Variants in EIF3J observed in about 807,000 individuals in gnomAD.
EIF3J encodes the protein eukaryotic translation initiation factor 3 subunit J, also known as eukaryotic translation initiation factor 3, subunit 1 (alpha, 35kD).
Under a neutral mutation model 39.0 loss-of-function variants are expected in EIF3J, and 15 were observed. The ratio of observed to expected loss-of-function variants is 0.38; its 90% CI spans 0.26 to 0.59. The LOEUF (loss-of-function observed/expected upper bound fraction) is 0.59. EIF3J is among the 20% of genes least tolerant of loss of function. The pLI, the probability that EIF3J is intolerant of heterozygous loss-of-function variation, is 0.60. For missense variants in EIF3J, 226 were observed against 308.6 expected (o/e 0.73, Z 2.00); for synonymous variants, 98 against 112.9 (o/e 0.87, Z 0.84).
intron 2 of EIF3J, among the ~76,000 whole-genome samples, chr15:44,544,087 T>TC: frequency 3.1e-5 from 1 of 32,248 alleles, no homozygotes; most frequent in Non-Finnish European, 5.5e-5. Flanking sequence ...TTTTTTCTTT[T>TC]CTTTTCTTTT....
intron 2 of EIF3J, among the ~76,000 whole-genome samples, chr15:44,541,460 G>GT (rs2082013854): frequency 7.2e-5 from 11 of 152,180 alleles, no homozygotes; most frequent in Admixed American, 7.2e-4. Context: ...AGAGGATTGC[G>GT]TGAGCCTAGG....
At chr15:44,544,603 C>G (rs761838752) in intron 2 of EIF3J, among the ~76,000 whole-genome samples, 24 of 150,272 alleles carry the variant, frequency 1.6e-4, no homozygotes, top group Non-Finnish European at 3.2e-4. Flanking sequence ...ACTTGGGAGG[C>G]TGAGGCAGGA....
intron 5 of EIF3J, among the ~76,000 whole-genome samples, chr15:44,555,940 C>A (rs1446887867): frequency 2.0e-5 from 3 of 152,068 alleles, no homozygotes; most frequent in Non-Finnish European, 4.4e-5. Context: ...TCACTGCAAC[C>A]TCTGCCTCTG....
intron 6 of EIF3J, among the ~76,000 whole-genome samples, chr15:44,559,702 A>C (rs1044701126): frequency 6.9e-6 from 1 of 145,504 alleles, no homozygotes; most frequent in African/African-American, 2.7e-5. Context: ...GTGAGACTCC[A>C]TCTCAAAAAA....
At chr15:44,539,792 A>C (rs1216159766) in intron 2 of EIF3J, among the ~76,000 whole-genome samples, 1 of 142,196 alleles carries the variant, frequency 7.0e-6, no homozygotes, top group East Asian at 2.2e-4. Flanking sequence ...TTTTGAGAGA[A>C]GGTCTCACCC....
Position 44,551,457 on chromosome 15 carries a change from A to T in EIF3J, c.229A>T (p.Ile77Leu). The T allele has an allele frequency of 6.3e-7, 1 of 1,586,964 alleles. No homozygotes were observed. The change falls in exon 4 of 8, where the codon ATA becomes TTA. Residue 77 changes from isoleucine (I) to leucine (L), a missense_variant. Coordinates refer to ENST00000261868, the MANE Select transcript of EIF3J (RefSeq NM_003758.4). ...PEVKISEKKK[I>L]AEKIKEKERQ... ...GGTAAAAATTTCAGAAAAGAAAAAA[A>T]TAGCAGAGAAGATAAAAGAGAAAGA...
intron 2 of EIF3J, among the ~76,000 whole-genome samples, chr15:44,539,646 C>T (rs187843024): frequency 2.8e-3 from 421 of 151,212 alleles, no homozygotes; most frequent in African/African-American, 9.8e-3. Context: ...GTGATCTGCC[C>T]GCCTTGGCCT....
At chr15:44,546,142 G>T (rs1433260780) in intron 2 of EIF3J, among the ~76,000 whole-genome samples, 2 of 152,086 alleles carry the variant, frequency 1.3e-5, no homozygotes, top group Admixed American at 6.6e-5. Context: ...TAGCTCTTTG[G>T]TTCCTTTTGT....
At chr15:44,550,505 G>C (rs2082090280) in intron 2 of EIF3J, among the ~76,000 whole-genome samples, 1 of 151,454 alleles carries the variant, frequency 6.6e-6, no homozygotes, top group Non-Finnish European at 1.5e-5. Flanking sequence ...TTGCCGATAG[G>C]TTTTTATACA....
chr15:44,545,299 T>C (rs1247206808), intron 2 of EIF3J, among the ~76,000 whole-genome samples: 1 of 152,230 alleles, frequency 6.6e-6, no homozygotes, highest in East Asian at 1.9e-4. Context: ...CTGTGAATTT[T>C]GTAAGCAAGT....
At chr15:44,554,743 C>G (rs2082130972) in intron 5 of EIF3J, 76 bp downstream of exon 5, 1 of 891,764 alleles carries the variant, frequency 1.1e-6, no homozygotes, top group Admixed American at 2.8e-5. Flanking sequence ...AAAACATCTC[C>G]TTTTCTTAAA....
Position 44,562,324 on chromosome 15 carries a change from T to G in EIF3J, c.*1175T>G, listed in dbSNP as rs942231650. 1 of 152,612 alleles carries G rather than the reference T, an allele frequency of 6.6e-6. No individual in the cohort carries two copies. The highest frequency in any genetic ancestry group is 1.5e-5 in the Non-Finnish European group (1 of 68,014). 9.5% of individuals were successfully genotyped at this position (152,612 alleles called of 1,614,324 possible). A position where few individuals can be genotyped will look rare whatever the true frequency, so the allele number is the denominator to read the frequency against. ...TGTTATTTAGATACCAAGGCCTAATTAATTAAGTACCTATAAGAACTATTT... is the reference window on the plus strand; with the variant it reads ...TGTTATTTAGATACCAAGGCCTAATGAATTAAGTACCTATAAGAACTATTT... On this transcript the variant is annotated 3_prime_UTR_variant, in exon 8 of 8. Coordinates refer to ENST00000261868, the MANE Select transcript of EIF3J (RefSeq NM_003758.4).
chr15:44,549,953 CA>C (rs761682769), intron 2 of EIF3J, among the ~76,000 whole-genome samples: 1,386 of 95,496 alleles, frequency 0.015, 13 homozygotes, highest in African/African-American at 0.036. Context: ...AACTCCGTCT[CA>C]AAAAAAAAAA....
intron 2 of EIF3J, among the ~76,000 whole-genome samples, chr15:44,547,440 CTTTTTTTTTTT>C (rs986408245): frequency 2.8e-4 from 26 of 92,530 alleles, no homozygotes; most frequent in African/African-American, 1.0e-3. Context: ...GGCCTTGATT[CTTTTTTTTTTT>C]TTTTTTTTTT....
chr15:44,537,238 G>A lies in EIF3J; in HGVS notation c.43+1G>A, dbSNP rs1476220056. On this transcript the variant is annotated splice_donor_variant, in intron 1 of 7. Transcript: ENST00000261868. LOFTEE classifies it high-confidence loss of function. ...GCGGCGGGGGACTCGGACTCCTGGG[G>A]TGAGGAGAAGTTGCTGGGGCAGGGC... The A allele has an allele frequency of 6.3e-7, 1 of 1,591,430 alleles. No individual in the cohort carries two copies. The highest frequency in any genetic ancestry group is 2.3e-5 in the East Asian group (1 of 43,240).
chr15:44,545,399 T>G (rs576886355), intron 2 of EIF3J, among the ~76,000 whole-genome samples: 72 of 152,308 alleles, frequency 4.7e-4, no homozygotes, highest in Middle Eastern at 6.8e-3. Context: ...AAAGGATGTA[T>G]CTCAGCATGT....
chr15:44,538,269 G>C (rs1248427405), intron 2 of EIF3J, among the ~76,000 whole-genome samples: 1 of 150,994 alleles, frequency 6.6e-6, no homozygotes, highest in African/African-American at 2.4e-5. Context: ...ACAGCTGTAA[G>C]TGACATTTAC....
At chr15:44,546,686 T>C (rs1482293260) in intron 2 of EIF3J, among the ~76,000 whole-genome samples, 1 of 152,156 alleles carries the variant, frequency 6.6e-6, no homozygotes, top group African/African-American at 2.4e-5. Context: ...TCTTTAATCA[T>C]AGGGCTGTGT....
intron 2 of EIF3J, among the ~76,000 whole-genome samples, chr15:44,538,255 T>C (rs2081977475): frequency 6.6e-6 from 1 of 152,028 alleles, no homozygotes; most frequent in African/African-American, 2.4e-5. Flanking sequence ...GAAGGGTTCA[T>C]TATACAGCTG....
Sources: gnomAD v4.1 joint callset for allele counts (sites outside exome capture counted in the v4.1 genomes callset) on GRCh38, gnomAD v4.1.1 for gene constraint, MANE v1.5 for transcripts, NCBI Gene and HGNC (gene_info 2026-07-23, HGNC 2026-07-21) for gene names.